XPO4: variants seen among roughly 807,000 people sequenced by gnomAD.
XPO4 encodes exportin 4, also known as exportin-4.
XPO4 carries 39 observed loss-of-function variants against 143.0 expected under a neutral mutation model. That is an observed-to-expected ratio of 0.27 (90% CI 0.21 to 0.36). The LOEUF is 0.36. Among genes scored for constraint, XPO4 ranks in the 10% least tolerant of loss-of-function variants. The probability of loss-of-function intolerance (pLI) is 1.00; values close to 1 mark genes in which losing one functional copy is unlikely to be tolerated. For synonymous variants in XPO4, 439 were observed against 474.0 expected, an observed-to-expected ratio of 0.93 and a Z score of 0.96; for missense variants, 907 against 1,348.0, an observed-to-expected ratio of 0.67 and a Z score of 5.12.
intron 6 of XPO4, among the ~76,000 whole-genome samples, chr13:20,841,152 A>G (rs1436351242): frequency 1.3e-5 from 2 of 152,182 alleles, no homozygotes; most frequent in African/African-American, 4.8e-5. Context: ...TTCCCTACAT[A>G]TATAATTAAT....
At chr13:20,807,848 C>T (rs1821816456) in intron 12 of XPO4, among the ~76,000 whole-genome samples, 1 of 152,022 alleles carries the variant, frequency 6.6e-6, no homozygotes, top group South Asian at 2.1e-4. Flanking sequence ...TTTTATTCAC[C>T]AATTTTGTAA....
chr13:20,858,343 T>C (rs1174109814), intron 3 of XPO4, among the ~76,000 whole-genome samples: 2 of 152,218 alleles, frequency 1.3e-5, no homozygotes, highest in Non-Finnish European at 2.9e-5. Flanking sequence ...ATCAAGAGTA[T>C]TGAGATTATG....
At chr13:20,787,752 A>T (rs986227427) in intron 20 of XPO4, among the ~76,000 whole-genome samples, 154 bp from the exon 21 acceptor site, 1 of 152,254 alleles carries the variant, frequency 6.6e-6, no homozygotes, top group African/African-American at 2.4e-5. Context: ...GAGTTATATA[A>T]GGAAAGAAGA....
chr13:20,843,749 C>G (rs772438421), intron 5 of XPO4, 21 bp downstream of exon 5: 1 of 1,543,308 alleles, frequency 6.5e-7, no homozygotes, highest in Non-Finnish European at 8.9e-7. Flanking sequence ...AATTAAAACT[C>G]AAGAACAAAA....
chr13:20,902,642 C>T (rs761124856), intron 1 of XPO4, 28 bp downstream of exon 1: 1 of 1,543,702 alleles, frequency 6.5e-7, no homozygotes, highest in Non-Finnish European at 8.7e-7. Context: ...CCGCGAATCC[C>T]GGGGTCTGAG....
chr13:20,836,187 A>G (rs949008084), intron 6 of XPO4, among the ~76,000 whole-genome samples: 1 of 152,186 alleles, frequency 6.6e-6, no homozygotes, highest in Non-Finnish European at 1.5e-5. Context: ...ACTTCACTCT[A>G]TACTTCATCA....
intron 4 of XPO4, chr13:20,849,376 C>T (rs918720636): frequency 1.2e-5 from 12 of 985,142 alleles, no homozygotes; most frequent in Non-Finnish European, 2.4e-6. Context: ...GACTTAAATG[C>T]TAAATTAAAC....
intron 4 of XPO4, chr13:20,852,273 G>C: frequency 1.0e-5 from 10 of 985,418 alleles, no homozygotes; most frequent in Non-Finnish European, 1.2e-5. Context: ...CTGTCAAAAT[G>C]AAACAAGATG....
chr13:20,823,576 TC>T (rs201891335), intron 7 of XPO4, among the ~76,000 whole-genome samples: 4,585 of 150,540 alleles, frequency 0.03, 175 homozygotes, highest in African/African-American at 0.084. Flanking sequence ...TGTGTTTTTT[TC>T]TTTTTTCCAT....
intron 16 of XPO4, among the ~76,000 whole-genome samples, chr13:20,798,644 G>A (rs1054717146): frequency 6.6e-6 from 1 of 152,084 alleles, no homozygotes; most frequent in African/African-American, 2.4e-5. Flanking sequence ...TCACACACAG[G>A]CAGGTACAGA....
In XPO4 at chr13:20,842,859, T is replaced by C. The variant is rs746500224; in HGVS notation, c.727+36A>G. The C allele has an allele frequency of 3.3e-5, 51 of 1,552,214 alleles. No individual in the cohort carries two copies. In the East Asian group the frequency reaches 1.1e-3, roughly 33 times the overall value. On this transcript the variant is annotated intron_variant, in intron 6 of 22. Coordinates refer to ENST00000255305, the MANE Select transcript of XPO4 (RefSeq NM_022459.5). ...CTGTAATTAAGTCACCTATGAAAATTACCACAGATAAACTATTCATTTGTT... is the reference window on the plus strand; with the variant it reads ...CTGTAATTAAGTCACCTATGAAAATCACCACAGATAAACTATTCATTTGTT...
In XPO4 at chr13:20,788,532, C is replaced by T. The variant is rs2059236805; in HGVS notation, c.3001G>A (p.Asp1001Asn). 6.2e-7 allele frequency: 1 copy of T among 1,613,082 alleles called. No homozygotes were observed. The highest frequency in any genetic ancestry group is 1.3e-5 in the African/African-American group (1 of 74,980). The change falls in exon 20 of 23, where the codon GAT becomes AAT. Residue 1001 changes from aspartate to asparagine, a missense_variant. Asp to Asn is a conservative substitution (Grantham distance 23). Transcript: ENST00000255305. ...FPEKIPQLPEDLFKSLMYSLE... is the reference protein window; with the variant it reads ...FPEKIPQLPENLFKSLMYSLE... ...GAGTACATCAGACTTTTAAACAGATCCTCAGGAAGCTGTGGTATTTTTTCA... is the reference window on the plus strand; with the variant it reads ...GAGTACATCAGACTTTTAAACAGATTCTCAGGAAGCTGTGGTATTTTTTCA...
rs779261476 is a variant in XPO4 at position 20,868,715 on chromosome 13, G to A, written c.70-14C>T. 3.7e-6 allele frequency: 6 copies of A among 1,607,148 alleles called. No homozygotes were observed. In the South Asian group the frequency reaches 6.6e-5, roughly 18 times the overall value. On this transcript the variant is annotated splice_polypyrimidine_tract_variant and intron_variant, in intron 1 of 22. Coordinates refer to ENST00000255305, the MANE Select transcript of XPO4 (RefSeq NM_022459.5). The stretch of plus-strand genomic sequence containing the variant: ...GGAAGGTGGTGCCTTGAGAGTTAAA[G>A]ACAAGAACAGATACACTTATCTAAT...
At chr13:20,817,000 C>G (rs147811058) in intron 9 of XPO4, among the ~76,000 whole-genome samples, 1 of 152,160 alleles carries the variant, frequency 6.6e-6, no homozygotes, top group African/African-American at 2.4e-5. Context: ...GTGGGGGGCG[C>G]TGGACAGCCA....
intron 4 of XPO4, chr13:20,849,409 T>G (rs575117967): frequency 2.0e-4 from 200 of 984,680 alleles, no homozygotes; most frequent in Non-Finnish European, 2.4e-4. Flanking sequence ...ATTTAACGTA[T>G]GCCTACTGCT....
chr13:20,866,385 G>A, intron 2 of XPO4: 4 of 984,692 alleles, frequency 4.1e-6, no homozygotes, highest in Non-Finnish European at 4.8e-6. Flanking sequence ...GGCCAGAAAA[G>A]GGAAGCATCA....
chr13:20,868,519 A>C (rs950765958), intron 2 of XPO4, 77 bp downstream of exon 2: 12 of 1,505,554 alleles, frequency 8.0e-6, no homozygotes, highest in Non-Finnish European at 1.1e-5. Flanking sequence ...AAGGAATTTA[A>C]AATAGCTAAT....
chr13:20,830,163 A>G (rs1374195372), intron 6 of XPO4, among the ~76,000 whole-genome samples: 1 of 151,832 alleles, frequency 6.6e-6, no homozygotes, highest in Admixed American at 6.6e-5. Flanking sequence ...GCCCAATTCC[A>G]TGGCCAATTT....
intron 4 of XPO4, among the ~76,000 whole-genome samples, chr13:20,854,014 TAGG>T (rs2060116294): frequency 6.6e-6 from 1 of 152,166 alleles, no homozygotes; most frequent in African/African-American, 2.4e-5. Context: ...TTGACTATGG[TAGG>T]AGTTTACTGG....
Sources: gnomAD v4.1 joint callset for allele counts (sites outside exome capture counted in the v4.1 genomes callset) on GRCh38, gnomAD v4.1.1 for gene constraint, MANE v1.5 for transcripts, NCBI Gene and HGNC (gene_info 2026-07-23, HGNC 2026-07-21) for gene names.